The following NXPH1 variants were observed in gnomAD, a reference collection of about 807,000 sequenced individuals.
NXPH1 encodes neurexophilin 1.
A neutral mutation model predicts 23.7 loss-of-function variants in NXPH1; 5 were observed. The observed-to-expected ratio is 0.21, with a 90% CI of 0.11 to 0.44. NXPH1 has a LOEUF of 0.44. NXPH1 is among the 20% of genes least tolerant of loss of function. The pLI is 0.99. For missense variants in NXPH1, 324 were observed against 321.6 expected (o/e 1.01, Z -0.06); for synonymous variants, 144 against 122.2 (o/e 1.18, Z -1.18).
chr7:8,699,847 A>G (rs112993377), intron 2 of NXPH1, among the ~76,000 whole-genome samples: 1 of 152,124 alleles, frequency 6.6e-6, no homozygotes, highest in Non-Finnish European at 1.5e-5. Context: ...CTTGCTCTTC[A>G]TGGTGATTTG....
intron 2 of NXPH1, among the ~76,000 whole-genome samples, chr7:8,444,529 C>A (rs1364540489): frequency 6.6e-6 from 1 of 152,244 alleles, no homozygotes; most frequent in East Asian, 1.9e-4. Context: ...TCCACCCTCC[C>A]TGGCACAGTC....
intron 2 of NXPH1, among the ~76,000 whole-genome samples, chr7:8,625,567 T>A (rs1372925122): frequency 6.6e-6 from 1 of 152,148 alleles, no homozygotes; most frequent in East Asian, 1.9e-4. Flanking sequence ...AAGTAGACTA[T>A]AAAATATACA....
At chr7:8,713,407 T>G (rs1317399528) in intron 2 of NXPH1, among the ~76,000 whole-genome samples, 1 of 152,238 alleles carries the variant, frequency 6.6e-6, no homozygotes, top group Non-Finnish European at 1.5e-5. Flanking sequence ...TGAATTCTCT[T>G]TGTGAAAGGT....
intron 2 of NXPH1, among the ~76,000 whole-genome samples, chr7:8,522,164 T>C (rs1004279919): frequency 6.6e-6 from 1 of 152,170 alleles, no homozygotes; most frequent in Non-Finnish European, 1.5e-5. Flanking sequence ...CACAGTTGAT[T>C]ATTTGAAAGA....
At chr7:8,515,487 A>C (rs1173916180) in intron 2 of NXPH1, among the ~76,000 whole-genome samples, 4 of 152,176 alleles carry the variant, frequency 2.6e-5, no homozygotes, top group African/African-American at 4.8e-5. Flanking sequence ...GTTGTTTATA[A>C]AAATGCTTCA....
In NXPH1 at chr7:8,587,702, TTCAAC is replaced by T. The variant is rs201914174; in HGVS notation, c.54+151938_54+151942del. ...TCCCTGTGTCCATGTGTTCTTATTG[TTCAAC>T]TCCCACTTATGAGTGAGAACGTGCG... On this transcript the variant is annotated intron_variant, in intron 2 of 2. Transcript: ENST00000405863. 7.2e-3 allele frequency among the ~76,000 whole-genome samples: 1,090 copies of T among 152,234 alleles called. 24 individuals are homozygous for T. Among genetic ancestry groups the T allele is most frequent in the South Asian group, 3.5e-3 (17 of 4,820 alleles).
chr7:8,661,040 G>C (rs1820661501), intron 2 of NXPH1, among the ~76,000 whole-genome samples: 1 of 150,946 alleles, frequency 6.6e-6, no homozygotes, highest in Non-Finnish European at 1.5e-5. Context: ...TGATTAAGAA[G>C]CTGCACAGTG....
Position 8,491,639 on chromosome 7 carries a change from G to T in NXPH1, c.54+55872G>T, listed in dbSNP as rs140693952. Among the ~76,000 whole-genome samples the T allele has an allele frequency of 4.6e-3, 693 of 152,052 alleles. 3 individuals are homozygous for T. Among genetic ancestry groups the T allele is most frequent in the African/African-American group, 0.015 (630 of 41,516 alleles). ...ATTCATAATGTGGAAAGCTAGAAAG[G>T]GCTATCGTTTAGGCTGGCTTCCCAT... is the stretch of plus-strand genomic sequence containing the variant. On this transcript the variant is annotated intron_variant, in intron 2 of 2. Coordinates refer to ENST00000405863, the MANE Select transcript of NXPH1 (RefSeq NM_152745.3).
intron 2 of NXPH1, among the ~76,000 whole-genome samples, chr7:8,718,346 C>T (rs992431338): frequency 6.6e-6 from 1 of 152,118 alleles, no homozygotes; most frequent in African/African-American, 2.4e-5. Flanking sequence ...CAGTGTAGCA[C>T]CTGAGCAATT....
At chr7:8,445,683 A>C (rs1389012128) in intron 2 of NXPH1, among the ~76,000 whole-genome samples, 1 of 152,250 alleles carries the variant, frequency 6.6e-6, no homozygotes, top group Non-Finnish European at 1.5e-5. Context: ...ACATACACAT[A>C]TACACAAAGC....
At chr7:8,688,100 C>G (rs910084462) in intron 2 of NXPH1, among the ~76,000 whole-genome samples, 1 of 152,040 alleles carries the variant, frequency 6.6e-6, no homozygotes, top group Non-Finnish European at 1.5e-5. Context: ...TGACTTGCTT[C>G]TCCATGGCAT....
At chr7:8,723,934 T>C (rs945583905) in intron 2 of NXPH1, among the ~76,000 whole-genome samples, 10 of 152,298 alleles carry the variant, frequency 6.6e-5, no homozygotes, top group African/African-American at 2.2e-4. Flanking sequence ...GCTAGAGACA[T>C]AGACACATGT....
chr7:8,614,426 A>ATATG (rs112661748), intron 2 of NXPH1, among the ~76,000 whole-genome samples: 8,716 of 151,882 alleles, frequency 0.057, 490 homozygotes, highest in East Asian at 0.17. Context: ...CTATAGACAT[A>ATATG]TATGTCTGTA....
At chr7:8,633,317 A>T (rs766282466) in intron 2 of NXPH1, among the ~76,000 whole-genome samples, 1 of 152,266 alleles carries the variant, frequency 6.6e-6, no homozygotes, top group East Asian at 1.9e-4. Context: ...AATCCCAGCT[A>T]CTCAGGAGGC....
At position 8,634,187 on chromosome 7, in the gene NXPH1, C is replaced by T. The variant is rs192435287; in HGVS notation, c.55-116821C>T. On this transcript the variant is annotated intron_variant, in intron 2 of 2. Coordinates refer to ENST00000405863, the MANE Select transcript of NXPH1 (RefSeq NM_152745.3). ...ATCCCCACGTATCATGGGAGAGACCCGGTGGTACGTAATTGAATCATGGGG... is the reference window on the plus strand; with the variant it reads ...ATCCCCACGTATCATGGGAGAGACCTGGTGGTACGTAATTGAATCATGGGG... Among the ~76,000 whole-genome samples the T allele has an allele frequency of 1.1e-4, 16 of 152,122 alleles. No homozygotes were observed. The East Asian group carries it at 1.4e-3, about 13-fold the overall frequency.
Position 8,473,038 on chromosome 7 carries a change from A to G in NXPH1, c.54+37271A>G, listed in dbSNP as rs559612408. On this transcript the variant is annotated intron_variant, in intron 2 of 2. Transcript: ENST00000405863. ...TACCAGTGTTATGTGCTGCTCTCCA[A>G]TTCTAAAAACAGACCAAGATCTGCA... Among the ~76,000 whole-genome samples the G allele has an allele frequency of 3.9e-5, 6 of 151,928 alleles. No individual in the cohort carries two copies. The East Asian group carries it at 5.8e-4, about 15-fold the overall frequency.
chr7:8,472,225 T>C (rs1038253892), intron 2 of NXPH1, among the ~76,000 whole-genome samples: 2 of 152,180 alleles, frequency 1.3e-5, no homozygotes, highest in Non-Finnish European at 2.9e-5. Context: ...CTGCTTCTGT[T>C]TGACTTTGTT....
intron 2 of NXPH1, among the ~76,000 whole-genome samples, chr7:8,670,345 T>A (rs544162108): frequency 3.3e-5 from 5 of 152,372 alleles, no homozygotes; most frequent in African/African-American, 1.2e-4. Flanking sequence ...CTATCCCTTT[T>A]TTCTTCTTAA....
chr7:8,618,883 C>A (rs543757725), intron 2 of NXPH1, among the ~76,000 whole-genome samples: 6 of 152,234 alleles, frequency 3.9e-5, no homozygotes, highest in Non-Finnish European at 8.8e-5. Context: ...ATGTGTGCTG[C>A]AATTGAAGTT....
Sources: gnomAD v4.1 joint callset for allele counts (sites outside exome capture counted in the v4.1 genomes callset) on GRCh38, gnomAD v4.1.1 for gene constraint, MANE v1.5 for transcripts, NCBI Gene and HGNC (gene_info 2026-07-23, HGNC 2026-07-21) for gene names.